The following UFSP1 variants were observed in gnomAD, a reference collection of about 807,000 sequenced individuals.
UFSP1 encodes the protein UFM1 specific peptidase 1, also known as ufm1-specific protease 1.
For synonymous variants in UFSP1, 119 were observed against 77.6 expected, an observed-to-expected ratio of 1.53 and a Z score of -2.81; for missense variants, 261 against 182.7, an observed-to-expected ratio of 1.43 and a Z score of -2.47.
At position 100,889,435 on chromosome 7, in the gene UFSP1, G is replaced by T; in HGVS notation, c.-164C>A. The stretch of plus-strand genomic sequence containing the variant: ...GTAGAGGTAGTGGCCCGAGAGCAGC[G>T]CCAGGCGGACAGGGCCGCGGCTCGG... On this transcript the variant is annotated 5_prime_UTR_variant, in exon 1 of 1. Coordinates refer to ENST00000388761, the MANE Select transcript of UFSP1 (RefSeq NM_001015072.4). 1 of 605,672 alleles carries T rather than the reference G, an allele frequency of 1.7e-6. No individual in the cohort carries two copies. The highest frequency in any genetic ancestry group is 2.7e-6 in the Non-Finnish European group (1 of 368,134). 37.5% of individuals were successfully genotyped at this position (605,672 alleles called of 1,614,324 possible).
rs1167787372 is a variant in UFSP1 at position 100,889,106 on chromosome 7, C to G, written c.166G>C (p.Gly56Arg). The change falls in exon 1 of 1, where the codon GGG becomes CGG. Residue 56 changes from glycine to arginine, a missense_variant. Coordinates refer to ENST00000388761, the MANE Select transcript of UFSP1 (RefSeq NM_001015072.4). ...CCAACCATGACTGGGCCCCCACCCC[C>G]TGCGAAGTGCGAGTAAAGCCTCTCC... is the stretch of plus-strand genomic sequence containing the variant. 1.2e-6 allele frequency: 2 copies of G among 1,613,488 alleles called. No homozygotes were observed. Among genetic ancestry groups the G allele is most frequent in the Non-Finnish European group, 1.7e-6 (2 of 1,179,864 alleles).
In UFSP1 at chr7:100,888,756, A is replaced by G; in HGVS notation, c.*87T>C. ...CCCTGCCACTTTTATTATTGATGTC[A>G]AAAGCGCCAGGCTTTGCAGGGACAC... On this transcript the variant is annotated 3_prime_UTR_variant, in exon 1 of 1. Coordinates refer to ENST00000388761, the MANE Select transcript of UFSP1 (RefSeq NM_001015072.4). 1 of 1,542,074 alleles carries G rather than the reference A, an allele frequency of 6.5e-7. No homozygotes were observed. Among genetic ancestry groups the G allele is most frequent in the Non-Finnish European group, 8.8e-7 (1 of 1,130,820 alleles).
rs1245995422 is a variant in UFSP1 at position 100,889,448 on chromosome 7, G to A, written c.-177C>T. The A allele has an allele frequency of 6.9e-6, 4 of 575,908 alleles. No individual in the cohort carries two copies. The Admixed American group carries it at 1.5e-4, about 22-fold the overall frequency. The allele number at this position is 575,908 out of a possible 1,614,324, so 35.7% of individuals were successfully genotyped here. A position where few individuals can be genotyped will look rare whatever the true frequency, so the allele number is the denominator to read the frequency against. On this transcript the variant is annotated 5_prime_UTR_variant, in exon 1 of 1. Coordinates refer to ENST00000388761, the MANE Select transcript of UFSP1 (RefSeq NM_001015072.4). ...CCCGAGAGCAGCGCCAGGCGGACAGGGCCGCGGCTCGGCGGGGACAGGCCC... is the reference window on the plus strand; with the variant it reads ...CCCGAGAGCAGCGCCAGGCGGACAGAGCCGCGGCTCGGCGGGGACAGGCCC...
Position 100,889,127 on chromosome 7 carries a change from T to C in UFSP1, c.145A>G (p.Arg49Gly), listed in dbSNP as rs780439991. Reference sequence around the variant, plus strand: ...CCCCCTGCGAAGTGCGAGTAAAGCCTCTCCAGCTCCCCGTGCAGCCCCACT... The same window carrying C: ...CCCCCTGCGAAGTGCGAGTAAAGCCCCTCCAGCTCCCCGTGCAGCCCCACT... The change falls in exon 1 of 1, where the codon AGG becomes GGG. Residue 49 changes from arginine to glycine, a missense_variant. Physicochemically the swap from Arg to Gly is moderately radical, Grantham distance 125. Transcript: ENST00000388761. The C allele has an allele frequency of 6.2e-7, 1 of 1,612,924 alleles. No individual in the cohort carries two copies. The highest frequency in any genetic ancestry group is 1.1e-5 in the South Asian group (1 of 91,012).
In UFSP1 at chr7:100,889,464, G is replaced by C. The variant is rs1790493818; in HGVS notation, c.-193C>G. 1.9e-6 allele frequency: 1 copy of C among 536,964 alleles called. No homozygotes were observed. Among genetic ancestry groups the C allele is most frequent in the Non-Finnish European group, 3.2e-6 (1 of 312,412 alleles). 33.3% of individuals were successfully genotyped at this position (536,964 alleles called of 1,614,324 possible). A position where few individuals can be genotyped will look rare whatever the true frequency, so the allele number is the denominator to read the frequency against. The stretch of plus-strand genomic sequence containing the variant: ...GGCGGACAGGGCCGCGGCTCGGCGG[G>C]GACAGGCCCACGTGGACGTCCCTCA... On this transcript the variant is annotated 5_prime_UTR_variant, in exon 1 of 1. Coordinates refer to ENST00000388761, the MANE Select transcript of UFSP1 (RefSeq NM_001015072.4).
chr7:100,889,013 CAT>C lies in UFSP1; in HGVS notation c.257_258del (p.Tyr86CysfsTer17). On this transcript the variant is annotated frameshift_variant, in exon 1 of 1. Coordinates refer to ENST00000388761, the MANE Select transcript of UFSP1 (RefSeq NM_001015072.4). LOFTEE classifies it low-confidence loss of function (END_TRUNC). Reference sequence around the variant, plus strand: ...CAGTAGTGAGGGTCCAATACCAGGACATAGGCTTCCGTGCCTGACCCTACGCA... The same window carrying C: ...CAGTAGTGAGGGTCCAATACCAGGACAGGCTTCCGTGCCTGACCCTACGCA... 6.2e-7 allele frequency: 1 copy of C among 1,614,184 alleles called. No homozygotes were observed. The highest frequency in any genetic ancestry group is 1.7e-5 in the Admixed American group (1 of 60,020).
rs1478937271 is a variant in UFSP1 at position 100,888,892 on chromosome 7, A to G, written c.380T>C (p.Leu127Pro). ...TTGGGAGCTAAGGCTGGTCAAGCAC[A>G]GGTTGTAGAAGGAGTTGGGGTCAAA... Residue 127 changes from leucine (L) to proline (P), a missense_variant, in exon 1 of 1, where the codon CTG becomes CCG. Coordinates refer to ENST00000388761, the MANE Select transcript of UFSP1 (RefSeq NM_001015072.4). 29 of 1,613,960 alleles carry G rather than the reference A, an allele frequency of 1.8e-5. No individual in the cohort carries two copies. Among genetic ancestry groups the G allele is most frequent in the Non-Finnish European group, 2.2e-5 (26 of 1,179,972 alleles).
chr7:100,889,526 G>C lies in UFSP1; in HGVS notation c.-255C>G. 2.2e-6 allele frequency: 1 copy of C among 456,268 alleles called. No individual in the cohort carries two copies. The highest frequency in any genetic ancestry group is 3.9e-6 in the Non-Finnish European group (1 of 256,464). 28.3% of individuals were successfully genotyped at this position (456,268 alleles called of 1,614,324 possible). A position where few individuals can be genotyped will look rare whatever the true frequency, so the allele number is the denominator to read the frequency against. ...GCGGTGGGCGGGAGCGGAGGTCCCA[G>C]GCCAGGCACAGCGTCCTCCTAGCGG... On this transcript the variant is annotated 5_prime_UTR_variant, in exon 1 of 1. Transcript: ENST00000388761.
rs1298524133 is a variant in UFSP1 at position 100,889,120 on chromosome 7, T to A, written c.152A>T (p.Tyr51Phe). 2 of 1,612,648 alleles carry A rather than the reference T, an allele frequency of 1.2e-6. No individual in the cohort carries two copies. Among genetic ancestry groups the A allele is most frequent in the Admixed American group, 3.3e-5 (2 of 59,934 alleles). ...GCCCCCACCCCCTGCGAAGTGCGAGTAAAGCCTCTCCAGCTCCCCGTGCAG... is the reference window on the plus strand; with the variant it reads ...GCCCCCACCCCCTGCGAAGTGCGAGAAAAGCCTCTCCAGCTCCCCGTGCAG... Residue 51 changes from tyrosine (Y) to phenylalanine (F), a missense_variant, in exon 1 of 1, where the codon TAC becomes TTC. Tyr to Phe is a conservative substitution (Grantham distance 22). Transcript: ENST00000388761.
rs1790485094 is a variant in UFSP1 at position 100,889,262 on chromosome 7, T to C, written c.10A>G (p.Lys4Glu). The C allele has an allele frequency of 1.3e-6, 2 of 1,532,224 alleles. No homozygotes were observed. Among genetic ancestry groups the C allele is most frequent in the South Asian group, 1.3e-5 (1 of 79,562 alleles). The allele number at this position is 1,532,224 out of a possible 1,614,324, so 94.9% of individuals were successfully genotyped here. The change falls in exon 1 of 1, where the codon AAG (lysine) becomes GAG (glutamate). Residue 4 changes from lysine to glutamate, a missense_variant. Physicochemically the swap from Lys to Glu is moderately conservative, Grantham distance 56. Transcript: ENST00000388761. The stretch of plus-strand genomic sequence containing the variant: ...CGGGAGCCCCGGAAGCCGGGGGGCT[T>C]GTCGCCCATGTCCTCCAGGGCCGCC...
chr7:100,889,467 C>A lies in UFSP1; in HGVS notation c.-196G>T. ...GGACAGGGCCGCGGCTCGGCGGGGACAGGCCCACGTGGACGTCCCTCAGCG... is the reference window on the plus strand; with the variant it reads ...GGACAGGGCCGCGGCTCGGCGGGGAAAGGCCCACGTGGACGTCCCTCAGCG... On this transcript the variant is annotated 5_prime_UTR_variant, in exon 1 of 1. Transcript: ENST00000388761. The A allele has an allele frequency of 1.9e-6, 1 of 533,760 alleles. No individual in the cohort carries two copies. The highest frequency in any genetic ancestry group is 3.2e-6 in the Non-Finnish European group (1 of 309,608). 33.1% of individuals were successfully genotyped at this position (533,760 alleles called of 1,614,324 possible).
rs755887940 is a variant in UFSP1, at chr7:100,888,841, C to T, written c.*2G>A. 18 of 1,599,092 alleles carry T rather than the reference C, an allele frequency of 1.1e-5. No individual in the cohort carries two copies. The highest frequency in any genetic ancestry group is 1.5e-5 in the Non-Finnish European group (18 of 1,170,520). ...GAGAATCTCAGTTCTGTAACTTCGT[C>T]CTCAGTCCAAGGTGCGCTGCTGCTG... On this transcript the variant is annotated 3_prime_UTR_variant, in exon 1 of 1. Transcript: ENST00000388761.
chr7:100,888,753 G>T lies in UFSP1; in HGVS notation c.*90C>A. 1 of 1,528,458 alleles carries T rather than the reference G, an allele frequency of 6.5e-7. No homozygotes were observed. Among genetic ancestry groups the T allele is most frequent in the Non-Finnish European group, 8.9e-7 (1 of 1,118,256 alleles). 94.7% of individuals were successfully genotyped at this position (1,528,458 alleles called of 1,614,324 possible). A position where few individuals can be genotyped will look rare whatever the true frequency, so the allele number is the denominator to read the frequency against. On this transcript the variant is annotated 3_prime_UTR_variant, in exon 1 of 1. Transcript: ENST00000388761. Reference sequence around the variant, plus strand: ...CAGCCCTGCCACTTTTATTATTGATGTCAAAAGCGCCAGGCTTTGCAGGGA... The same window carrying T: ...CAGCCCTGCCACTTTTATTATTGATTTCAAAAGCGCCAGGCTTTGCAGGGA...
In UFSP1 at chr7:100,889,357, C is replaced by G. The variant is rs1040668635; in HGVS notation, c.-86G>C. On this transcript the variant is annotated 5_prime_UTR_variant, in exon 1 of 1. Transcript: ENST00000388761. The stretch of plus-strand genomic sequence containing the variant: ...CCACGAGCACAGCGTCTGCAGAGTG[C>G]GGTAGCCGCAGCCCCAGCCGCGGTC... The G allele has an allele frequency of 3.3e-6, 4 of 1,226,978 alleles. No homozygotes were observed. Among genetic ancestry groups the G allele is most frequent in the Admixed American group, 3.0e-5 (1 of 33,160 alleles). 76.0% of individuals were successfully genotyped at this position (1,226,978 alleles called of 1,614,324 possible). A position where few individuals can be genotyped will look rare whatever the true frequency, so the allele number is the denominator to read the frequency against.
chr7:100,889,115 G>T lies in UFSP1; in HGVS notation c.157C>A (p.His53Asn). 6.8e-6 allele frequency: 11 copies of T among 1,613,326 alleles called. No homozygotes were observed. Among genetic ancestry groups the T allele is most frequent in the Non-Finnish European group, 9.3e-6 (11 of 1,179,842 alleles). ...ACTGGGCCCCCACCCCCTGCGAAGT[G>T]CGAGTAAAGCCTCTCCAGCTCCCCG... is the stretch of plus-strand genomic sequence containing the variant. The change falls in exon 1 of 1, where the codon CAC becomes AAC. Residue 53 changes from histidine (H) to asparagine (N), a missense_variant. Transcript: ENST00000388761.
Position 100,888,742 on chromosome 7 carries a change from T to C in UFSP1, c.*101A>G, listed in dbSNP as rs1790444234. The C allele has an allele frequency of 4.0e-6, 6 of 1,510,792 alleles. No individual in the cohort carries two copies. The Admixed American group carries it at 9.1e-5, about 23-fold the overall frequency. The allele number at this position is 1,510,792 out of a possible 1,614,324, so 93.6% of individuals were successfully genotyped here. ...GAGGTGTTGCTCAGCCCTGCCACTT[T>C]TATTATTGATGTCAAAAGCGCCAGG... is the stretch of plus-strand genomic sequence containing the variant. On this transcript the variant is annotated 3_prime_UTR_variant, in exon 1 of 1. Transcript: ENST00000388761.
chr7:100,889,144 A>G lies in UFSP1; in HGVS notation c.128T>C (p.Leu43Pro). ...GTAAAGCCTCTCCAGCTCCCCGTGC[A>G]GCCCCACTCCCCGGGGTACGTGGCA... The change falls in exon 1 of 1, where the codon CTG (leucine) becomes CCG (proline). Residue 43 changes from leucine (L) to proline (P), a missense_variant. Physicochemically the swap from Leu to Pro is moderately conservative, Grantham distance 98 (BLOSUM62 -3). Coordinates refer to ENST00000388761, the MANE Select transcript of UFSP1 (RefSeq NM_001015072.4). 6.2e-7 allele frequency: 1 copy of G among 1,612,914 alleles called. No individual in the cohort carries two copies. Among genetic ancestry groups the G allele is most frequent in the Non-Finnish European group, 8.5e-7 (1 of 1,179,756 alleles).
In UFSP1 at chr7:100,888,726, C is replaced by G. The variant is rs1211425050; in HGVS notation, c.*117G>C. ...TTCCAGAGTAACTCCTGAGGTGTTG[C>G]TCAGCCCTGCCACTTTTATTATTGA... On this transcript the variant is annotated 3_prime_UTR_variant, in exon 1 of 1. Coordinates refer to ENST00000388761, the MANE Select transcript of UFSP1 (RefSeq NM_001015072.4). The G allele has an allele frequency of 1.9e-5, 28 of 1,479,652 alleles. No homozygotes were observed. Among genetic ancestry groups the G allele is most frequent in the African/African-American group, 2.8e-5 (2 of 71,880 alleles). The allele number at this position is 1,479,652 out of a possible 1,614,324, so 91.7% of individuals were successfully genotyped here.
At position 100,888,768 on chromosome 7, in the gene UFSP1, C is replaced by G. The variant is rs1250129309; in HGVS notation, c.*75G>C. The G allele has an allele frequency of 6.4e-7, 1 of 1,554,756 alleles. No homozygotes were observed. The highest frequency in any genetic ancestry group is 8.7e-7 in the Non-Finnish European group (1 of 1,143,160). On this transcript the variant is annotated 3_prime_UTR_variant, in exon 1 of 1. Transcript: ENST00000388761. The stretch of plus-strand genomic sequence containing the variant: ...TATTATTGATGTCAAAAGCGCCAGG[C>G]TTTGCAGGGACACCAGTGGGAGGTA...
Sources: allele counts gnomAD v4.1 joint callset, GRCh38; gene constraint gnomAD v4.1.1; transcripts MANE v1.5; gene names NCBI Gene and HGNC (gene_info 2026-07-23, HGNC 2026-07-21).